ANP32E: variants seen among roughly 807,000 people sequenced by gnomAD.
ANP32E encodes acidic nuclear phosphoprotein 32 family member E, also known as acidic leucine-rich nuclear phosphoprotein 32 family member E.
Under a neutral mutation model 35.3 loss-of-function variants are expected in ANP32E, and 14 were observed. That is an observed-to-expected ratio of 0.40 (90% CI 0.26 to 0.62). ANP32E has a LOEUF of 0.62. Ranked by LOEUF, ANP32E falls within the 20% of genes least tolerant of loss-of-function variation. The pLI is 0.45. For synonymous variants in ANP32E, 89 were observed against 110.4 expected (o/e 0.81, Z 1.22); for missense variants, 198 against 304.4 (o/e 0.65, Z 2.60).
At chr1:150,224,641 C>A (rs915707036) in intron 5 of ANP32E, among the ~76,000 whole-genome samples, 8 of 151,972 alleles carry the variant, frequency 5.3e-5, no homozygotes, top group African/African-American at 1.7e-4. Flanking sequence ...CTCGCCAAGA[C>A]CCCAAATGAA....
chr1:150,233,423 C>A (rs904289267), intron 1 of ANP32E, among the ~76,000 whole-genome samples: 1 of 152,112 alleles, frequency 6.6e-6, no homozygotes, highest in African/African-American at 2.4e-5. Flanking sequence ...CTGGGAACAG[C>A]CCAGAGGGTG....
In ANP32E at chr1:150,219,250, A is replaced by G. The variant is rs1553836788; in HGVS notation, c.*1441T>C. 6.6e-6 allele frequency: 1 copy of G among 152,196 alleles called. No homozygotes were observed. The highest frequency in any genetic ancestry group is 1.9e-4 in the East Asian group (1 of 5,204). The allele number at this position is 152,196 out of a possible 1,614,324, so 9.4% of individuals were successfully genotyped here. On this transcript the variant is annotated 3_prime_UTR_variant, in exon 7 of 7. Transcript: ENST00000583931. ...AAAAAATTTTAGATAGCCAAGATTTAAAAAGCCATTGCCTTGAACATGGAG... is the reference window on the plus strand; with the variant it reads ...AAAAAATTTTAGATAGCCAAGATTTGAAAAGCCATTGCCTTGAACATGGAG...
In ANP32E at chr1:150,235,999, C is replaced by T. The variant is rs972005929; in HGVS notation, c.-213G>A. On this transcript the variant is annotated 5_prime_UTR_variant, in exon 1 of 7. Coordinates refer to ENST00000583931, the MANE Select transcript of ANP32E (RefSeq NM_030920.5). This position sits in a 1 kb window ranked among gnomAD's most constrained non-coding sequence, Gnocchi z 4.2. ...ACTCTAACTCAGCTGCCCCCACCTC[C>T]TTGTCCACACACTAGCGCGCGCACA... 1 of 572,680 alleles carries T rather than the reference C, an allele frequency of 1.7e-6. No individual in the cohort carries two copies. The highest frequency in any genetic ancestry group is 2.0e-5 in the South Asian group (1 of 49,292). 35.5% of individuals were successfully genotyped at this position (572,680 alleles called of 1,614,324 possible).
intron 4 of ANP32E, among the ~76,000 whole-genome samples, chr1:150,228,082 A>T (rs782002288): frequency 2.2e-4 from 33 of 149,486 alleles, no homozygotes; most frequent in Non-Finnish European, 4.3e-4. Flanking sequence ...TATATATATT[A>T]TATATATATA....
intron 6 of ANP32E, among the ~76,000 whole-genome samples, chr1:150,221,115 CAAAAAAA>C (rs34843209): frequency 1.5e-5 from 1 of 68,916 alleles, no homozygotes; most frequent in Non-Finnish European, 2.5e-5. Context: ...ACTTTGTCTC[CAAAAAAA>C]AAAAAAAAAA....
Position 150,226,852 on chromosome 1 carries a change from T to C in ANP32E, c.494-57A>G. The C allele has an allele frequency of 1.9e-6, 3 of 1,542,160 alleles. 1 individual carries two copies. The South Asian group carries it at 3.8e-5, about 19-fold the overall frequency. On this transcript the variant is annotated intron_variant, in intron 4 of 6. Transcript: ENST00000583931. Reference sequence around the variant, plus strand: ...ACTGGGTAAATGTTTCTTCCTAGGATGTTGATGCTTTTTACCCTTGCCCAA... The same window carrying C: ...ACTGGGTAAATGTTTCTTCCTAGGACGTTGATGCTTTTTACCCTTGCCCAA...
At chr1:150,226,193 C>G (rs1252496123) in intron 5 of ANP32E, among the ~76,000 whole-genome samples, 1 of 151,928 alleles carries the variant, frequency 6.6e-6, no homozygotes, top group African/African-American at 2.4e-5. Flanking sequence ...TTAGTAGATA[C>G]GGGGTTTCCC....
chr1:150,232,833 G>A (rs6687829), intron 1 of ANP32E, among the ~76,000 whole-genome samples: 1 of 152,090 alleles, frequency 6.6e-6, no homozygotes, highest in Admixed American at 6.6e-5. Context: ...TGATGCATAA[G>A]AAACAAACTT....
At position 150,221,604 on chromosome 1, in the gene ANP32E, G is replaced by GGGAAGGAA. The variant is rs1330142808; in HGVS notation, c.737-851_737-844dup. ...AGGAAGGGAGGGAGGGAGGGAGGGA[G>GGGAAGGAA]GGAAGGAAGGAAGGAAGGAAGGAAA... On this transcript the variant is annotated intron_variant, in intron 6 of 6. Transcript: ENST00000583931. Among the ~76,000 whole-genome samples, 147 of 36,896 alleles carry GGGAAGGAA rather than the reference G, an allele frequency of 4.0e-3. 11 individuals carry two copies. The highest frequency in any genetic ancestry group is 5.8e-3 in the Non-Finnish European group (134 of 22,994). The allele number at this position is 36,896 out of a possible 152,430, so 24.2% of individuals were successfully genotyped here.
intron 1 of ANP32E, chr1:150,234,692 C>G (rs1649637367): frequency 2.0e-6 from 2 of 985,350 alleles, no homozygotes; most frequent in Non-Finnish European, 2.4e-6. Context: ...AAACCCCACA[C>G]GGGGCGGGGA....
chr1:150,226,366 A>G (rs1648876016), intron 5 of ANP32E, among the ~76,000 whole-genome samples: 1 of 152,194 alleles, frequency 6.6e-6, no homozygotes, highest in Admixed American at 6.6e-5. Context: ...TGTTTCCACC[A>G]TACCATGCCA....
chr1:150,228,080 TTATATA>T (rs139349474), intron 4 of ANP32E, among the ~76,000 whole-genome samples: 2 of 149,126 alleles, frequency 1.3e-5, no homozygotes, highest in Non-Finnish European at 3.0e-5. Flanking sequence ...CATATATATA[TTATATA>T]TATATATATG....
intron 5 of ANP32E, among the ~76,000 whole-genome samples, chr1:150,224,692 ATG>A (rs1291443521): frequency 4.6e-5 from 7 of 152,236 alleles, no homozygotes; most frequent in Non-Finnish European, 7.3e-5. Context: ...ATCAGCAAAT[ATG>A]TGTCATTGAT....
At position 150,228,766 on chromosome 1, in the gene ANP32E, T is replaced by C. The variant is rs138607685; in HGVS notation, c.493+306A>G. Among the ~76,000 whole-genome samples the C allele has an allele frequency of 7.0e-4, 107 of 152,162 alleles. 2 individuals carry two copies. The East Asian group carries it at 0.019, about 27-fold the overall frequency. On this transcript the variant is annotated intron_variant, in intron 4 of 6. Coordinates refer to ENST00000583931, the MANE Select transcript of ANP32E (RefSeq NM_030920.5). ...GGTTGTTTCTACTTTCTGGCTATTA[T>C]AAGTGGTTGCTTTTTTAAAAAAATA...
intron 5 of ANP32E, among the ~76,000 whole-genome samples, chr1:150,226,005 C>CTTTT (rs1460652533): frequency 1.4e-5 from 1 of 71,426 alleles, no homozygotes; most frequent in Non-Finnish European, 2.7e-5. Flanking sequence ...TTGATATAAC[C>CTTTT]TGTTTTTTTT....
At chr1:150,223,396 A>C in intron 5 of ANP32E, 156 bp from the exon 6 acceptor site, 3 of 998,838 alleles carry the variant, frequency 3.0e-6, no homozygotes, top group Non-Finnish European at 4.3e-6. Context: ...AACCTAACTA[A>C]AGGGCCGGGC....
intron 2 of ANP32E, among the ~76,000 whole-genome samples, chr1:150,231,048 A>G (rs1649310367): frequency 6.6e-6 from 1 of 152,166 alleles, no homozygotes; most frequent in Non-Finnish European, 1.5e-5. Context: ...TGGCATATCA[A>G]AGATTTTTAA....
At position 150,220,739 on chromosome 1, in the gene ANP32E, C is replaced by A; in HGVS notation, c.759G>T (p.Glu253Asp). 1 of 1,613,968 alleles carries A rather than the reference C, an allele frequency of 6.2e-7. No individual in the cohort carries two copies. Among genetic ancestry groups the A allele is most frequent in the Non-Finnish European group, 8.5e-7 (1 of 1,179,940 alleles). ...EEEEEGGLRG[E>D]KRKRDAEDDG... ...CGTCTTCAGCATCTCGTTTCCTCTT[C>A]TCCCCTCGAAGACCTCCTTCTTCTT... Residue 253 changes from glutamate to aspartate, a missense_variant, in exon 7 of 7, where the codon GAG becomes GAT. Physicochemically the swap from Glu to Asp is conservative, Grantham distance 45. This residue lies in a region of ANP32E where 121 missense variants were observed against 137.3 expected (regional missense o/e 0.88). Coordinates refer to ENST00000583931, the MANE Select transcript of ANP32E (RefSeq NM_030920.5).
intron 5 of ANP32E, among the ~76,000 whole-genome samples, chr1:150,226,049 A>G (rs587677686): frequency 2.2e-5 from 3 of 134,906 alleles, no homozygotes; most frequent in African/African-American, 8.3e-5. Context: ...TCCGTTGCCC[A>G]GGCTGGAGTG....
Sources: gnomAD v4.1 joint callset for allele counts (sites outside exome capture counted in the v4.1 genomes callset) on GRCh38, gnomAD v4.1.1 for gene constraint, gnomAD v4.1.1 regional missense constraint, Gnocchi (gnomAD v3.1) non-coding constraint, MANE v1.5 for transcripts, NCBI Gene and HGNC (gene_info 2026-07-23, HGNC 2026-07-21) for gene names.